ACSL3: variants seen among roughly 807,000 people sequenced by gnomAD.
ACSL3 encodes the protein acyl-CoA synthetase long chain family member 3, also known as fatty acid CoA ligase Acsl3.
ACSL3 carries 34 observed loss-of-function variants against 84.7 expected under a neutral mutation model. That is an observed-to-expected ratio of 0.40 (90% CI 0.31 to 0.53). The LOEUF (loss-of-function observed/expected upper bound fraction) is 0.53, where lower values mean the gene tolerates loss of function less well. Ranked by LOEUF, ACSL3 falls within the 20% of genes least tolerant of loss-of-function variation. ACSL3 has a pLI of 0.48. For missense variants in ACSL3, 680 were observed against 873.1 expected, an observed-to-expected ratio of 0.78 and a Z score of 2.79; for synonymous variants, 315 against 299.4, an observed-to-expected ratio of 1.05 and a Z score of -0.54.
At chr2:222,922,671 C>T in intron 8 of ACSL3, 37 bp from the exon 9 acceptor site, 2 of 1,612,326 alleles carry the variant, frequency 1.2e-6, no homozygotes, top group Non-Finnish European at 1.7e-6. Context: ...ATAGACGACA[C>T]CTGACTTTTG....
At chr2:222,920,401 C>T (rs2106128089) in intron 7 of ACSL3, among the ~76,000 whole-genome samples, 1 of 152,292 alleles carries the variant, frequency 6.6e-6, no homozygotes, top group East Asian at 1.9e-4. Flanking sequence ...TTCTGCTGTG[C>T]CACCTCTATA....
At chr2:222,884,265 GA>G (rs1164034396) in intron 1 of ACSL3, among the ~76,000 whole-genome samples, 1 of 152,160 alleles carries the variant, frequency 6.6e-6, no homozygotes, top group Non-Finnish European at 1.5e-5. Context: ...ATAAAAGTTA[GA>G]AGACTTTTAA....
chr2:222,925,074 C>G (rs945163972), intron 11 of ACSL3, among the ~76,000 whole-genome samples: 3 of 151,030 alleles, frequency 2.0e-5, no homozygotes, highest in African/African-American at 7.3e-5. Context: ...CGGTGGCTCA[C>G]TCCTGTAATC....
In ACSL3 at chr2:222,941,418, C is replaced by T. The variant is rs185876105; in HGVS notation, c.2006-79C>T. On this transcript the variant is annotated intron_variant, in intron 16 of 16. Coordinates refer to ENST00000357430, the MANE Select transcript of ACSL3 (RefSeq NM_004457.5). ...TGTTGGTTGTGCATTTTGATGGATACGCAAAAAGTGGGGAAGTTACACCAT... is the reference window on the plus strand; with the variant it reads ...TGTTGGTTGTGCATTTTGATGGATATGCAAAAAGTGGGGAAGTTACACCAT... The T allele has an allele frequency of 2.7e-3, 3,238 of 1,218,774 alleles. 8 individuals carry two copies. The highest frequency in any genetic ancestry group is 3.2e-3 in the Non-Finnish European group (2,870 of 887,416). The allele number at this position is 1,218,774 out of a possible 1,614,324, so 75.5% of individuals were successfully genotyped here.
chr2:222,870,301 G>T (rs1413972119), intron 1 of ACSL3, among the ~76,000 whole-genome samples: 4 of 152,054 alleles, frequency 2.6e-5, no homozygotes, highest in Non-Finnish European at 4.4e-5. Flanking sequence ...ATTCATTGAT[G>T]TGTTTACTAC....
chr2:222,876,102 A>G (rs1017700018), intron 1 of ACSL3, among the ~76,000 whole-genome samples: 3 of 152,218 alleles, frequency 2.0e-5, no homozygotes, highest in African/African-American at 7.2e-5. Flanking sequence ...AGAAGACTTC[A>G]TAAAAGAGGT....
At chr2:222,925,549 A>G (rs921636329) in intron 11 of ACSL3, among the ~76,000 whole-genome samples, 5 of 151,886 alleles carry the variant, frequency 3.3e-5, no homozygotes, top group South Asian at 4.2e-4. Flanking sequence ...CCTGGGAGCA[A>G]TGACTGCACC....
intron 14 of ACSL3, among the ~76,000 whole-genome samples, chr2:222,931,878 C>A (rs142972654): frequency 6.6e-6 from 1 of 152,236 alleles, no homozygotes; most frequent in African/African-American, 2.4e-5. Flanking sequence ...TGACCTCTCA[C>A]TTTTCCCTTA....
chr2:222,940,455 C>T (rs949836126), intron 16 of ACSL3, among the ~76,000 whole-genome samples: 8 of 150,926 alleles, frequency 5.3e-5, no homozygotes, highest in African/African-American at 1.9e-4. Flanking sequence ...TAAGTTTATG[C>T]AGCCTGTGCT....
chr2:222,909,269 A>G, intron 4 of ACSL3, 119 bp downstream of exon 4: 3 of 1,003,620 alleles, frequency 3.0e-6, no homozygotes, highest in Non-Finnish European at 4.4e-6. Context: ...GAAGCAGTGT[A>G]GGAAGGGGGC....
intron 1 of ACSL3, among the ~76,000 whole-genome samples, chr2:222,870,838 T>C (rs916689499): frequency 1.3e-5 from 2 of 152,200 alleles, no homozygotes; most frequent in African/African-American, 4.8e-5. Context: ...GAGTTTGGAA[T>C]TGTTTTTTAT....
At chr2:222,926,965 G>GA (rs998363109) in intron 11 of ACSL3, 52 bp from the exon 12 acceptor site, 587 of 1,574,922 alleles carry the variant, frequency 3.7e-4, no homozygotes, top group Non-Finnish European at 3.1e-4. Context: ...AAGTGATTTG[G>GA]AAAATCCCAT....
intron 1 of ACSL3, among the ~76,000 whole-genome samples, chr2:222,873,933 A>C (rs548007374): frequency 6.6e-6 from 1 of 152,236 alleles, no homozygotes; most frequent in Admixed American, 6.5e-5. Context: ...TAAAAATTAC[A>C]ATTGCTTCCC....
At chr2:222,918,226 T>A in intron 6 of ACSL3, 71 bp downstream of exon 6, 1 of 910,638 alleles carries the variant, frequency 1.1e-6, no homozygotes, top group Non-Finnish European at 1.7e-6. Flanking sequence ...CTATTATTGA[T>A]ACTTAGTTCT....
rs2106108248 is a variant in ACSL3 at position 222,897,405 on chromosome 2, A to G, written c.-147-3269A>G. Among the ~76,000 whole-genome samples the G allele has an allele frequency of 3.2e-4, 3 of 9,356 alleles. 1 individual carries two copies. The Middle Eastern group carries it at 0.094, about 292-fold the overall frequency. 6.1% of individuals were successfully genotyped at this position (9,356 alleles called of 152,430 possible). A position where few individuals can be genotyped will look rare whatever the true frequency, so the allele number is the denominator to read the frequency against. On this transcript the variant is annotated intron_variant, in intron 2 of 16. Transcript: ENST00000357430. ...TGGCGCTCCTCGCTTCCTAGATGGG[A>G]TGGCGGACGGGCAGAGACGCTCCTC... is the stretch of plus-strand genomic sequence containing the variant.
intron 16 of ACSL3, among the ~76,000 whole-genome samples, chr2:222,940,734 G>GT (rs1472264036): frequency 6.6e-6 from 1 of 152,170 alleles, no homozygotes; most frequent in East Asian, 1.9e-4. Flanking sequence ...ATGCAGCCTA[G>GT]ATGTATATAT....
chr2:222,875,006 T>C (rs1393749529), intron 1 of ACSL3, among the ~76,000 whole-genome samples: 1 of 152,022 alleles, frequency 6.6e-6, no homozygotes, highest in African/African-American at 2.4e-5. Context: ...TTCATTTATG[T>C]GAAAATTTGA....
intron 7 of ACSL3, among the ~76,000 whole-genome samples, chr2:222,920,761 G>A (rs1472050382): frequency 6.6e-6 from 1 of 152,152 alleles, no homozygotes; most frequent in Non-Finnish European, 1.5e-5. Context: ...GAGGTCCTAT[G>A]TGTGGTCCCT....
intron 3 of ACSL3, among the ~76,000 whole-genome samples, chr2:222,907,909 C>T (rs1696336540): frequency 6.6e-6 from 1 of 152,152 alleles, no homozygotes; most frequent in Admixed American, 6.5e-5. Flanking sequence ...TAGCACCTCT[C>T]CAACGTTGCC....
Sources: gnomAD v4.1 joint callset for allele counts (sites outside exome capture counted in the v4.1 genomes callset) on GRCh38, gnomAD v4.1.1 for gene constraint, MANE v1.5 for transcripts, NCBI Gene and HGNC (gene_info 2026-07-23, HGNC 2026-07-21) for gene names.